Variants in PAIP2B observed in about 807,000 individuals in gnomAD.
The protein encoded by PAIP2B is poly(A) binding protein interacting protein 2B.
In PAIP2B, 13 loss-of-function variants were observed where a neutral mutation model predicts 17.0. The observed-to-expected ratio is 0.76, with a 90% CI of 0.50 to 1.22. PAIP2B has a LOEUF of 1.22. PAIP2B is among the 50% of genes most tolerant of loss of function. The pLI is 0.00. For missense variants in PAIP2B, 117 were observed against 144.5 expected, an observed-to-expected ratio of 0.81 and a Z score of 0.98; for synonymous variants, 43 against 48.7, an observed-to-expected ratio of 0.88 and a Z score of 0.48.
Position 71,187,481 on chromosome 2 carries a change from T to C in PAIP2B, c.*998A>G, listed in dbSNP as rs1674568578. ...CTTCTTACTAGTGTCCTGAAAAATA[T>C]TTCCTTAAAAAAGTGCATAAACTTG... On this transcript the variant is annotated 3_prime_UTR_variant, in exon 4 of 4. Transcript: ENST00000244221. 6.6e-6 allele frequency: 1 copy of C among 152,160 alleles called. No homozygotes were observed. The highest frequency in any genetic ancestry group is 6.5e-5 in the Admixed American group (1 of 15,272). 9.4% of individuals were successfully genotyped at this position (152,160 alleles called of 1,614,324 possible). A position where few individuals can be genotyped will look rare whatever the true frequency, so the allele number is the denominator to read the frequency against.
intron 1 of PAIP2B, among the ~76,000 whole-genome samples, chr2:71,217,837 G>C (rs554499524): frequency 9.8e-5 from 10 of 102,122 alleles, no homozygotes; most frequent in South Asian, 7.6e-4. Flanking sequence ...GCAAGCCAAG[G>C]GGGGAGATTA....
At chr2:71,214,983 A>C (rs1020280588) in intron 1 of PAIP2B, among the ~76,000 whole-genome samples, 1 of 152,126 alleles carries the variant, frequency 6.6e-6, no homozygotes, top group African/African-American at 2.4e-5. Context: ...AAAGATGGTA[A>C]AAACATCCTT....
At chr2:71,223,818 T>C (rs1211437385) in intron 1 of PAIP2B, among the ~76,000 whole-genome samples, 1 of 152,198 alleles carries the variant, frequency 6.6e-6, no homozygotes, top group Admixed American at 6.5e-5. Context: ...AATAAATTTA[T>C]GAATAAATGT....
intron 2 of PAIP2B, among the ~76,000 whole-genome samples, chr2:71,200,784 C>A (rs749182733): frequency 1.3e-5 from 2 of 151,914 alleles, no homozygotes; most frequent in Admixed American, 6.6e-5. Context: ...AACAAAAAAA[C>A]CCAAAATTAT....
intron 2 of PAIP2B, 140 bp downstream of exon 2, chr2:71,202,312 T>C: frequency 1.9e-6 from 2 of 1,038,480 alleles, no homozygotes; most frequent in Non-Finnish European, 2.8e-6. Context: ...TCATTCCAGA[T>C]GAGGCCCCCC....
chr2:71,197,065 G>T (rs1350079759), intron 2 of PAIP2B, among the ~76,000 whole-genome samples: 3 of 152,138 alleles, frequency 2.0e-5, no homozygotes, highest in Admixed American at 6.5e-5. Flanking sequence ...TGTGCTGTTT[G>T]CTGGTTATTA....
intron 1 of PAIP2B, among the ~76,000 whole-genome samples, chr2:71,215,798 T>C (rs925948378): frequency 5.9e-5 from 9 of 152,234 alleles, no homozygotes; most frequent in Admixed American, 2.6e-4. Context: ...CTGACAATAA[T>C]AACAATAAAT....
At chr2:71,206,646 T>TA (rs751145198) in intron 1 of PAIP2B, among the ~76,000 whole-genome samples, 3 of 152,218 alleles carry the variant, frequency 2.0e-5, no homozygotes, top group South Asian at 4.1e-4. Flanking sequence ...TTTAACACTT[T>TA]AAACACCCAC....
In PAIP2B at chr2:71,189,986, GT is replaced by G. The variant is rs750655524; in HGVS notation, c.173del (p.Asp58AlafsTer33). 2 of 1,612,374 alleles carry G rather than the reference GT, an allele frequency of 1.2e-6. No homozygotes were observed. Among genetic ancestry groups the G allele is most frequent in the East Asian group, 4.5e-5 (2 of 44,846 alleles). On this transcript the variant is annotated frameshift_variant, in exon 3 of 4. Transcript: ENST00000244221. LOFTEE classifies it high-confidence loss of function. ...EEELQEQDFLDRCFQEMLDEE... is the reference protein window; with the variant it reads ...EEELQEQDFLXRCFQEMLDEE... ...CATCCAGCATCTCTTGGAAGCAGCG[GT>G]CCAAGAAGTCTTGCTCCTGCAGTTC...
At chr2:71,202,745 CTT>C in intron 1 of PAIP2B, 145 bp from the exon 2 acceptor site, 1 of 661,518 alleles carries the variant, frequency 1.5e-6, no homozygotes, top group Non-Finnish European at 2.5e-6. Flanking sequence ...GTCTGTAACT[CTT>C]ATAAAACCAT....
At chr2:71,193,374 T>G (rs1674736070) in intron 2 of PAIP2B, among the ~76,000 whole-genome samples, 1 of 152,338 alleles carries the variant, frequency 6.6e-6, no homozygotes, top group South Asian at 2.1e-4. Context: ...ATTTCCTCCC[T>G]TTCTGTAGGT....
At chr2:71,226,705 T>G (rs1419167476) in intron 1 of PAIP2B, among the ~76,000 whole-genome samples, 1 of 152,102 alleles carries the variant, frequency 6.6e-6, no homozygotes, top group Non-Finnish European at 1.5e-5. Context: ...AACCCCCTAT[T>G]GCTCCCGAGG....
rs1480109091 is a variant in PAIP2B at position 71,184,103 on chromosome 2, T to C, written c.*4376A>G. On this transcript the variant is annotated 3_prime_UTR_variant, in exon 4 of 4. Transcript: ENST00000244221. ...TTTTAGTAACTGTACACTAGTACAA[T>C]GTTTTTAAGATTTTATCTCATTTTT... is the stretch of plus-strand genomic sequence containing the variant. 3 of 152,262 alleles carry C rather than the reference T, an allele frequency of 2.0e-5. No homozygotes were observed. The highest frequency in any genetic ancestry group is 2.9e-5 in the Non-Finnish European group (2 of 68,052). 9.4% of individuals were successfully genotyped at this position (152,262 alleles called of 1,614,324 possible).
intron 2 of PAIP2B, among the ~76,000 whole-genome samples, chr2:71,196,415 G>A (rs936665927): frequency 5.9e-5 from 9 of 152,102 alleles, no homozygotes; most frequent in Non-Finnish European, 1.0e-4. Context: ...GTTGAGGATT[G>A]TTTTATGTCC....
intron 1 of PAIP2B, among the ~76,000 whole-genome samples, chr2:71,225,359 A>G (rs1675692816): frequency 6.6e-6 from 1 of 152,244 alleles, no homozygotes; most frequent in Admixed American, 6.5e-5. Flanking sequence ...CATTACAAAC[A>G]GGATAAAGAA....
chr2:71,196,456 A>G (rs1373177953), intron 2 of PAIP2B, among the ~76,000 whole-genome samples: 1 of 152,152 alleles, frequency 6.6e-6, no homozygotes, highest in African/African-American at 2.4e-5. Flanking sequence ...AGTGTGTACC[A>G]TGTGGCAATG....
chr2:71,188,201 G>A lies in PAIP2B; in HGVS notation c.*278C>T. 4.4e-6 allele frequency: 2 copies of A among 456,776 alleles called. No individual in the cohort carries two copies. The highest frequency in any genetic ancestry group is 3.8e-5 in the East Asian group (1 of 26,324). The allele number at this position is 456,776 out of a possible 1,614,324, so 28.3% of individuals were successfully genotyped here. ...CACACCGCGGAACACTTCTGATGAA[G>A]GGGGGAAAATGCAATTTCCTTAACT... is the stretch of plus-strand genomic sequence containing the variant. On this transcript the variant is annotated 3_prime_UTR_variant, in exon 4 of 4. Coordinates refer to ENST00000244221, the MANE Select transcript of PAIP2B (RefSeq NM_020459.1).
intron 1 of PAIP2B, among the ~76,000 whole-genome samples, chr2:71,203,393 T>C (rs1463817426): frequency 6.6e-6 from 1 of 152,156 alleles, no homozygotes; most frequent in African/African-American, 2.4e-5. Context: ...GAAATAGAGC[T>C]GTTACATTGG....
chr2:71,226,068 G>T (rs1675715802), intron 1 of PAIP2B, among the ~76,000 whole-genome samples: 1 of 152,156 alleles, frequency 6.6e-6, no homozygotes, highest in African/African-American at 2.4e-5. Flanking sequence ...CTTGCTTCTA[G>T]TTAGCCCTTT....
Sources: allele counts gnomAD v4.1 joint callset (sites outside exome capture counted in the v4.1 genomes callset), GRCh38; gene constraint gnomAD v4.1.1; transcripts MANE v1.5; gene names NCBI Gene and HGNC (gene_info 2026-07-23, HGNC 2026-07-21).